THRAP3: variants seen among roughly 807,000 people sequenced by gnomAD.
THRAP3 encodes the protein thyroid hormone receptor-associated protein 3.
A neutral mutation model predicts 101.0 loss-of-function variants in THRAP3; 16 were observed. The observed-to-expected ratio is 0.16, with a 90% confidence interval of 0.11 to 0.24. The LOEUF (loss-of-function observed/expected upper bound fraction) is 0.24, where lower values mean the gene tolerates loss of function less well. Ranked by LOEUF, THRAP3 falls within the 10% of genes least tolerant of loss-of-function variation. The pLI is 1.00. For synonymous variants in THRAP3, 407 were observed against 422.6 expected, an observed-to-expected ratio of 0.96 and a Z score of 0.45; for missense variants, 989 against 1,202.7, an observed-to-expected ratio of 0.82 and a Z score of 2.63.
intron 1 of THRAP3, among the ~76,000 whole-genome samples, chr1:36,225,776 G>A (rs1257686379): frequency 6.6e-6 from 1 of 152,154 alleles, no homozygotes; most frequent in African/African-American, 2.4e-5. Flanking sequence ...GGAGCAAATC[G>A]GGCTCAGTTT....
chr1:36,300,089 T>A lies in THRAP3; in HGVS notation c.2304-797T>A, dbSNP rs542788330. On this transcript the variant is annotated intron_variant, in intron 9 of 11. Coordinates refer to ENST00000354618, the MANE Select transcript of THRAP3 (RefSeq NM_005119.4). Reference sequence around the variant, plus strand: ...GTATTCAGTAACCTCCACTATCACATGGCAGGGCTGGTACTGACTTTAGTA... The same window carrying A: ...GTATTCAGTAACCTCCACTATCACAAGGCAGGGCTGGTACTGACTTTAGTA... Among the ~76,000 whole-genome samples the A allele has an allele frequency of 9.2e-5, 14 of 152,306 alleles. No homozygotes were observed. The East Asian group carries it at 2.7e-3, about 29-fold the overall frequency.
intron 2 of THRAP3, among the ~76,000 whole-genome samples, chr1:36,279,344 C>T (rs1425524026): frequency 6.6e-6 from 1 of 152,068 alleles, no homozygotes; most frequent in African/African-American, 2.4e-5. Context: ...GATAGATATC[C>T]CTGAACTTGT....
chr1:36,264,522 C>T (rs1369174678), intron 2 of THRAP3, among the ~76,000 whole-genome samples: 1 of 152,206 alleles, frequency 6.6e-6, no homozygotes, highest in Non-Finnish European at 1.5e-5. Flanking sequence ...TAGGACTGAG[C>T]ATTTTAGAAT....
intron 7 of THRAP3, among the ~76,000 whole-genome samples, 180 bp downstream of exon 7, chr1:36,292,889 C>T (rs1645894827): frequency 3.3e-5 from 5 of 152,100 alleles, no homozygotes; most frequent in South Asian, 2.1e-4. Flanking sequence ...TGCTTTGGGA[C>T]AACAGTCTCT....
In THRAP3 at chr1:36,286,591, C is replaced by T. The variant is rs1645797878; in HGVS notation, c.361C>T (p.Arg121Cys). The change falls in exon 4 of 12, where the codon CGT becomes TGT. Residue 121 changes from arginine to cysteine, a missense_variant. Physicochemically the swap from Arg to Cys is radical, Grantham distance 180 (BLOSUM62 -3). Coordinates refer to ENST00000354618, the MANE Select transcript of THRAP3 (RefSeq NM_005119.4). The surrounding 1 kb of genome is among the most constrained non-coding windows in gnomAD (Gnocchi z 5.5). ...GAATTACCGGCAAGCATACAGTCCT[C>T]GTCGAGGCCGTTCAAGATCCCGGTC... Reference protein sequence around the residue: ...WQNYRQAYSPRRGRSRSRSPK... With the variant: ...WQNYRQAYSPCRGRSRSRSPK... 1.2e-6 allele frequency: 2 copies of T among 1,614,130 alleles called. No homozygotes were observed. Among genetic ancestry groups the T allele is most frequent in the Non-Finnish European group, 1.7e-6 (2 of 1,180,032 alleles).
intron 11 of THRAP3, among the ~76,000 whole-genome samples, chr1:36,303,112 A>ATTTTTTTTTTTTTT (rs397936228): frequency 6.4e-5 from 8 of 125,148 alleles, no homozygotes; most frequent in Admixed American, 8.3e-5. Context: ...TGCCTGGCTA[A>ATTTTTTTTTTTTTT]TTTTTTTTTT....
chr1:36,265,547 A>G (rs776449890), intron 2 of THRAP3, among the ~76,000 whole-genome samples: 22 of 151,892 alleles, frequency 1.4e-4, no homozygotes, highest in Non-Finnish European at 1.3e-4. Flanking sequence ...TAAGATGAGC[A>G]GAAGAATGCC....
At chr1:36,215,377 T>C in the THRAP3 span, among the ~76,000 whole-genome samples, 63 of 152,204 alleles carry the variant, frequency 4.1e-4, no homozygotes, top group African/African-American at 1.5e-3. Flanking sequence ...CACTCCAGAG[T>C]CAATGGCAGA....
chr1:36,300,025 C>T (rs1646012373), intron 9 of THRAP3, among the ~76,000 whole-genome samples: 1 of 152,162 alleles, frequency 6.6e-6, no homozygotes, highest in Non-Finnish European at 1.5e-5. Context: ...CTCTGCTACT[C>T]CTCCACTCCT....
chr1:36,295,238 A>G (rs1224672507), intron 8 of THRAP3, among the ~76,000 whole-genome samples: 1 of 143,484 alleles, frequency 7.0e-6, no homozygotes, highest in Non-Finnish European at 1.5e-5. Context: ...AAAAAAAAGG[A>G]AAAAAAAAAA....
intron 9 of THRAP3, among the ~76,000 whole-genome samples, chr1:36,299,303 G>T (rs151139674): frequency 0.084 from 12,699 of 151,724 alleles, 738 homozygotes; most frequent in Middle Eastern, 0.23. Flanking sequence ...GCCGGGCATG[G>T]TGGTGGGTGC....
At chr1:36,268,838 G>T (rs1209037264) in intron 2 of THRAP3, among the ~76,000 whole-genome samples, 2 of 151,594 alleles carry the variant, frequency 1.3e-5, no homozygotes, top group Non-Finnish European at 2.9e-5. Flanking sequence ...CGATTCTCCT[G>T]CCTCAGCCTC....
At chr1:36,228,780 G>A (rs191724899) in intron 1 of THRAP3, among the ~76,000 whole-genome samples, 38 of 152,218 alleles carry the variant, frequency 2.5e-4, no homozygotes, top group South Asian at 4.1e-4. Flanking sequence ...TACCATATTC[G>A]TTAGAGTTTC....
chr1:36,291,583 C>T, intron 6 of THRAP3, 37 bp downstream of exon 6: 1 of 1,601,828 alleles, frequency 6.2e-7, no homozygotes, highest in Non-Finnish European at 8.5e-7. Context: ...GGCTCGTGTT[C>T]CACACTTAGA....
chr1:36,235,272 A>G lies in THRAP3; in HGVS notation c.-135+10767A>G, dbSNP rs1398272356. 7.2e-5 allele frequency among the ~76,000 whole-genome samples: 11 copies of G among 152,170 alleles called. No individual in the cohort carries two copies. In the South Asian group the frequency reaches 8.3e-4, roughly 11 times the overall value. On this transcript the variant is annotated intron_variant, in intron 1 of 11. Coordinates refer to ENST00000354618, the MANE Select transcript of THRAP3 (RefSeq NM_005119.4). ...CTGTGAAGATTTTGACACCATAGAT[A>G]ATAATATTATTGTATATGGAAACAA...
the THRAP3 span, among the ~76,000 whole-genome samples, chr1:36,213,995 AAG>A: frequency 1.2e-5 from 1 of 85,122 alleles, no homozygotes; most frequent in Non-Finnish European, 2.2e-5. Flanking sequence ...GAAAGAAAGA[AAG>A]GAAAGAAAGA....
intron 1 of THRAP3, among the ~76,000 whole-genome samples, chr1:36,245,989 A>G (rs1645226571): frequency 6.6e-6 from 1 of 152,116 alleles, no homozygotes; most frequent in East Asian, 1.9e-4. Context: ...TTAACCATTT[A>G]ATTATTCCCT....
At chr1:36,248,910 T>C (rs976062472) in intron 1 of THRAP3, among the ~76,000 whole-genome samples, 6 of 151,866 alleles carry the variant, frequency 4.0e-5, no homozygotes, top group Non-Finnish European at 5.9e-5. Context: ...CTTTCTTTTT[T>C]TTTTTTGGAG....
At chr1:36,295,345 G>A (rs1240817493) in intron 8 of THRAP3, among the ~76,000 whole-genome samples, 1 of 151,322 alleles carries the variant, frequency 6.6e-6, no homozygotes, top group Non-Finnish European at 1.5e-5. Context: ...AGAATGAACT[G>A]CTCATTTCTT....
Sources: allele counts gnomAD v4.1 joint callset (sites outside exome capture counted in the v4.1 genomes callset), GRCh38; gene constraint gnomAD v4.1.1; non-coding constraint Gnocchi (gnomAD v3.1); transcripts MANE v1.5; gene names NCBI Gene and HGNC (gene_info 2026-07-23, HGNC 2026-07-21).